ZNF726: variants seen among roughly 807,000 people sequenced by gnomAD.
The protein encoded by ZNF726 is zinc finger protein 92 pseudogene 3.
Under a neutral mutation model 11.6 loss-of-function variants are expected in ZNF726, and 15 were observed. The ratio of observed to expected loss-of-function variants is 1.29; its 90% CI spans 0.86 to 1.99. The LOEUF (loss-of-function observed/expected upper bound fraction) is 1.99. Ranked by LOEUF, ZNF726 falls within the 30% of genes most tolerant of loss-of-function variation. The pLI is 0.00. For synonymous variants in ZNF726, 295 were observed against 243.6 expected (o/e 1.21, Z -1.96); for missense variants, 890 against 725.6 (o/e 1.23, Z -2.60).
In ZNF726 at chr19:23,932,930, C is replaced by T. The variant is rs1599468347; in HGVS notation, c.814C>T (p.Leu272=). 3.1e-6 allele frequency: 5 copies of T among 1,611,250 alleles called. No homozygotes were observed. Among genetic ancestry groups the T allele is most frequent in the African/African-American group, 1.3e-5 (1 of 74,998 alleles). Residue 272 remains leucine (L), a synonymous_variant, in exon 4 of 4, where the codon CTA becomes TTA. Coordinates refer to ENST00000594466, the MANE Select transcript of ZNF726 (RefSeq NM_001244038.2). The part of the protein sequence containing the change: ...CGKAFSQSST[L]TIHKRIHTGE... ...CAAAGCATTTAGCCAATCCTCAACA[C>T]TAACCATACATAAGAGGATACATAC...
intron 3 of ZNF726, among the ~76,000 whole-genome samples, chr19:23,927,196 A>G (rs1199277451): frequency 6.6e-6 from 1 of 151,926 alleles, no homozygotes; most frequent in East Asian, 1.9e-4. Flanking sequence ...AGAATTCCTG[A>G]GTTCAGGCAA....
intron 3 of ZNF726, among the ~76,000 whole-genome samples, chr19:23,941,440 C>T (rs1321128596): frequency 1.3e-5 from 2 of 151,968 alleles, no homozygotes; most frequent in African/African-American, 2.4e-5. Context: ...CTGTAGTTTT[C>T]TTTTCTGGTT....
exon 4 of ZNF726, chr19:23,943,564 A>G (rs1251101436): frequency 1.5e-6 from 1 of 670,714 alleles, no homozygotes; most frequent in Non-Finnish European, 2.8e-6. Flanking sequence ...ATGTGAAGAG[A>G]CATGAGACAG....
At chr19:23,941,984 A>T (rs1968345538) in intron 3 of ZNF726, among the ~76,000 whole-genome samples, 1 of 151,070 alleles carries the variant, frequency 6.6e-6, no homozygotes, top group Admixed American at 6.6e-5. Context: ...TGTTCTGATC[A>T]TGGTTATTTC....
At chr19:23,926,335 A>T (rs1393431602) in intron 3 of ZNF726, among the ~76,000 whole-genome samples, 1 of 152,020 alleles carries the variant, frequency 6.6e-6, no homozygotes, top group Non-Finnish European at 1.5e-5. Context: ...TGGGCGGATC[A>T]TAAGGACAGG....
In ZNF726 at chr19:23,934,238, T is replaced by C. The variant is rs780601762; in HGVS notation, c.*271T>C. 5.7e-6 allele frequency: 4 copies of C among 696,996 alleles called. No individual in the cohort carries two copies. The East Asian group carries it at 1.2e-4, about 21-fold the overall frequency. 43.2% of individuals were successfully genotyped at this position (696,996 alleles called of 1,614,324 possible). A position where few individuals can be genotyped will look rare whatever the true frequency, so the allele number is the denominator to read the frequency against. ...ATAAACCCTACAAATGTGAAAAATG[T>C]GGCAAAGCATATGGTCCACACCCCT... On this transcript the variant is annotated 3_prime_UTR_variant, in exon 4 of 4. Coordinates refer to ENST00000594466, the MANE Select transcript of ZNF726 (RefSeq NM_001244038.2).
At chr19:23,931,037 C>T (rs775979240) in intron 3 of ZNF726, among the ~76,000 whole-genome samples, 3 of 152,178 alleles carry the variant, frequency 2.0e-5, no homozygotes, top group Non-Finnish European at 2.9e-5. Context: ...GTGGCGTGAT[C>T]TCAGCTCACT....
intron 4 of ZNF726, chr19:23,943,718 T>G: frequency 2.2e-6 from 1 of 451,412 alleles, no homozygotes; most frequent in Non-Finnish European, 4.0e-6. Flanking sequence ...CCTTTTTTTT[T>G]CCTCTAGCTC....
At chr19:23,935,429 A>C, downstream of ZNF726, 1 of 520,500 alleles carries the variant, frequency 1.9e-6, no homozygotes, top group Admixed American at 2.0e-5. Context: ...ATCTTACTAC[A>C]GATAAGATAA....
Position 23,932,879 on chromosome 19 carries a change from A to G in ZNF726, c.763A>G (p.Lys255Glu). 6.2e-7 allele frequency: 1 copy of G among 1,609,248 alleles called. No individual in the cohort carries two copies. The highest frequency in any genetic ancestry group is 8.5e-7 in the Non-Finnish European group (1 of 1,178,146). Residue 255 changes from lysine (K) to glutamate (E), a missense_variant, in exon 4 of 4, where the codon AAG becomes GAG. By Grantham distance (56) the Lys-to-Glu change is moderately conservative. Coordinates refer to ENST00000594466, the MANE Select transcript of ZNF726 (RefSeq NM_001244038.2). The stretch of plus-strand genomic sequence containing the variant: ...ACATAAGGTAACTCATACTGGAGAG[A>G]AGCCTTACAAGTGTGAAGAATGTGG... ...TTHKVTHTGEKPYKCEECGKA... is the reference protein window; with the variant it reads ...TTHKVTHTGEEPYKCEECGKA...
downstream of ZNF726, among the ~76,000 whole-genome samples, chr19:23,937,012 C>T (rs1054651924): frequency 2.6e-5 from 4 of 151,742 alleles, no homozygotes; most frequent in Admixed American, 2.0e-4. Context: ...CAGAGGGGCT[C>T]CTCACTTCCC....
chr19:23,915,860 G>A (rs150973187), intron 1 of ZNF726, among the ~76,000 whole-genome samples: 420 of 152,228 alleles, frequency 2.8e-3, no homozygotes, highest in African/African-American at 9.8e-3. Context: ...GGGATTACAG[G>A]CGTGAGCCAC....
At chr19:23,915,421 A>C (rs995031128) in intron 1 of ZNF726, among the ~76,000 whole-genome samples, 2 of 152,178 alleles carry the variant, frequency 1.3e-5, no homozygotes, top group African/African-American at 4.8e-5. Flanking sequence ...ACATTAAATA[A>C]TTTAAAGTGT....
At chr19:23,916,393 C>T (rs1967700362) in intron 1 of ZNF726, among the ~76,000 whole-genome samples, 1 of 151,914 alleles carries the variant, frequency 6.6e-6, no homozygotes, top group Admixed American at 6.6e-5. Context: ...AGTGCAGTGG[C>T]ATGACTTAGG....
At position 23,933,240 on chromosome 19, in the gene ZNF726, G is replaced by A. The variant is rs942376497; in HGVS notation, c.1124G>A (p.Gly375Asp). ...AAACCCTACAAATGTGAAGAATGTG[G>A]CAAAGCATTTATATGGCCCTCAACC... ...GEKPYKCEEC[G>D]KAFIWPSTLT... is the part of the protein sequence containing the mutation. The change falls in exon 4 of 4, where the codon GGC (glycine) becomes GAC (aspartate). Residue 375 changes from glycine to aspartate, a missense_variant. Coordinates refer to ENST00000594466, the MANE Select transcript of ZNF726 (RefSeq NM_001244038.2). 2 of 1,613,158 alleles carry A rather than the reference G, an allele frequency of 1.2e-6. No individual in the cohort carries two copies. The highest frequency in any genetic ancestry group is 1.3e-5 in the African/African-American group (1 of 74,622).
In ZNF726 at chr19:23,920,095, G is replaced by C; in HGVS notation, c.226+13G>C. On this transcript the variant is annotated intron_variant, in intron 3 of 3. Coordinates refer to ENST00000594466, the MANE Select transcript of ZNF726 (RefSeq NM_001244038.2). ...GATGAACCCCCAGGTAGGTGAGAGT[G>C]AATACAACAGATGACCTGGATGAGA... The C allele has an allele frequency of 6.5e-7, 1 of 1,544,414 alleles. No individual in the cohort carries two copies. The highest frequency in any genetic ancestry group is 1.1e-5 in the South Asian group (1 of 89,910).
At chr19:23,937,589 C>T (rs959503781), downstream of ZNF726, among the ~76,000 whole-genome samples, 18 of 139,096 alleles carry the variant, frequency 1.3e-4, no homozygotes, top group African/African-American at 3.0e-4. Context: ...GATGGGATGG[C>T]GGCCGGGAAG....
intron 3 of ZNF726, 100 bp from the exon 4 acceptor site, chr19:23,932,243 C>G: frequency 1.0e-6 from 1 of 985,008 alleles, no homozygotes; most frequent in Non-Finnish European, 1.3e-6. Flanking sequence ...TTTGCAAAAC[C>G]ATCTTGTTTT....
rs752209914 is a variant in ZNF726 at position 23,933,172 on chromosome 19, A to G, written c.1056A>G (p.Gln352=). The G allele has an allele frequency of 1.5e-5, 24 of 1,601,502 alleles. No individual in the cohort carries two copies. The highest frequency in any genetic ancestry group is 2.2e-5 in the East Asian group (1 of 44,778). ...AAGAATGTGCCAAAGCTTTTAGCCA[A>G]TTCGGACACCTTACTACACATAGGA... The part of the protein sequence containing the change: ...KCEECAKAFS[Q]FGHLTTHRII... Residue 352 remains glutamine, a synonymous_variant, in exon 4 of 4, where the codon CAA becomes CAG. Transcript: ENST00000594466.
Sources: allele counts gnomAD v4.1 joint callset (sites outside exome capture counted in the v4.1 genomes callset), GRCh38; gene constraint gnomAD v4.1.1; transcripts MANE v1.5; gene names NCBI Gene and HGNC (gene_info 2026-07-23, HGNC 2026-07-21).